The following C11orf58 variants were observed in gnomAD, a reference collection of about 807,000 sequenced individuals.
C11orf58 encodes the protein small acidic protein.
C11orf58 carries 5 observed loss-of-function variants against 22.7 expected under a neutral mutation model. The observed-to-expected ratio is 0.22, with a 90% confidence interval of 0.12 to 0.46. The LOEUF is 0.46. C11orf58 is among the 20% of genes least tolerant of loss of function. The pLI is 0.99. For missense variants in C11orf58, 151 were observed against 223.3 expected (o/e 0.68, Z 2.06); for synonymous variants, 71 against 70.7 (o/e 1.00, Z -0.02).
intron 1 of C11orf58, among the ~76,000 whole-genome samples, chr11:16,741,343 T>A (rs1848446983): frequency 6.6e-6 from 1 of 152,224 alleles, no homozygotes; most frequent in Admixed American, 6.5e-5. Context: ...GTAAATTGAT[T>A]GCAGTTCTGT....
rs988043265 is a variant in C11orf58, at chr11:16,738,685, C to T, written c.-94C>T. The T allele has an allele frequency of 9.3e-6, 13 of 1,400,098 alleles. No individual in the cohort carries two copies. The highest frequency in any genetic ancestry group is 2.4e-4 in the Middle Eastern group (1 of 4,224). The allele number at this position is 1,400,098 out of a possible 1,614,324, so 86.7% of individuals were successfully genotyped here. ...AGGGGCTCTGCGTTCTGTAGTGGCG[C>T]TGCTTGGGCCCTTGGCGGATTGTAA... is the stretch of plus-strand genomic sequence containing the variant. On this transcript the variant is annotated 5_prime_UTR_variant, in exon 1 of 5. Coordinates refer to ENST00000228136, the MANE Select transcript of C11orf58 (RefSeq NM_014267.6).
In C11orf58 at chr11:16,753,824, T is replaced by C. The variant is rs528033466; in HGVS notation, c.318+930T>C. 1.2e-4 allele frequency: 51 copies of C among 414,578 alleles called. 3 individuals are homozygous for C. The South Asian group carries it at 3.7e-3, about 30-fold the overall frequency. The allele number at this position is 414,578 out of a possible 1,614,324, so 25.7% of individuals were successfully genotyped here. On this transcript the variant is annotated intron_variant, in intron 4 of 4. Coordinates refer to ENST00000228136, the MANE Select transcript of C11orf58 (RefSeq NM_014267.6). ...CAGTCTCACTGCCACCTTAGCCTCC[T>C]GAGGACCTGGGATATAGGCCTGCAC... is the stretch of plus-strand genomic sequence containing the variant.
chr11:16,742,695 C>T (rs536759524), intron 1 of C11orf58, among the ~76,000 whole-genome samples: 3 of 152,100 alleles, frequency 2.0e-5, no homozygotes, highest in Non-Finnish European at 4.4e-5. Context: ...TTCTTTTAGT[C>T]TTTTACAAAT....
At chr11:16,752,915 A>G (rs1848545037) in intron 4 of C11orf58, 21 bp downstream of exon 4, 1 of 1,548,348 alleles carries the variant, frequency 6.5e-7, no homozygotes, top group East Asian at 2.3e-5. Context: ...ACTTATTTTC[A>G]TTGGGAAGAT....
intron 2 of C11orf58, among the ~76,000 whole-genome samples, chr11:16,745,586 G>C (rs1208855709): frequency 6.6e-6 from 1 of 152,202 alleles, no homozygotes; most frequent in Non-Finnish European, 1.5e-5. Context: ...TTTTCATGTT[G>C]AGTGGGCTGA....
chr11:16,743,623 G>GTGAATTCCC (rs1848464996), intron 1 of C11orf58, among the ~76,000 whole-genome samples: 1 of 152,128 alleles, frequency 6.6e-6, no homozygotes, highest in Admixed American at 6.5e-5. Flanking sequence ...ATGAAAAATT[G>GTGAATTCCC]TGAATTCCCA....
intron 1 of C11orf58, among the ~76,000 whole-genome samples, chr11:16,740,715 C>T (rs1848440420): frequency 6.6e-6 from 1 of 151,568 alleles, no homozygotes. Flanking sequence ...AGCCACCTCG[C>T]CCAGCCAGTA....
At chr11:16,751,658 T>G (rs892703964) in intron 3 of C11orf58, 1 of 152,200 alleles carries the variant, frequency 6.6e-6, no homozygotes, top group Admixed American at 6.5e-5. Context: ...TTTGACATGT[T>G]TCAAACATTA....
chr11:16,755,972 C>T lies in C11orf58; in HGVS notation c.*868C>T, dbSNP rs551199284. 1 of 152,680 alleles carries T rather than the reference C, an allele frequency of 6.5e-6. No homozygotes were observed. The highest frequency in any genetic ancestry group is 1.9e-4 in the East Asian group (1 of 5,188). The allele number at this position is 152,680 out of a possible 1,614,324, so 9.5% of individuals were successfully genotyped here. A position where few individuals can be genotyped will look rare whatever the true frequency, so the allele number is the denominator to read the frequency against. On this transcript the variant is annotated 3_prime_UTR_variant, in exon 5 of 5. Coordinates refer to ENST00000228136, the MANE Select transcript of C11orf58 (RefSeq NM_014267.6). Reference sequence around the variant, plus strand: ...ATAAGAAGCTGAAACAAGAAATTCTCTTCATTTTATCCCAGTGCTATTTTA... The same window carrying T: ...ATAAGAAGCTGAAACAAGAAATTCTTTTCATTTTATCCCAGTGCTATTTTA...
intron 2 of C11orf58, chr11:16,747,865 T>C (rs56227058): frequency 0.34 from 108,858 of 320,766 alleles, 21,449 homozygotes; most frequent in Non-Finnish European, 0.42. Context: ...TGTTTTGTTT[T>C]AATCACACTT....
intron 4 of C11orf58, 118 bp from the exon 5 acceptor site, chr11:16,754,753 T>C (rs1848561944): frequency 6.8e-7 from 1 of 1,479,272 alleles, no homozygotes; most frequent in Non-Finnish European, 9.1e-7. Context: ...GTCTTAAAGC[T>C]GTTGTTCTAA....
At chr11:16,745,617 G>A (rs1339565503) in intron 2 of C11orf58, among the ~76,000 whole-genome samples, 2 of 152,184 alleles carry the variant, frequency 1.3e-5, no homozygotes, top group African/African-American at 4.8e-5. Context: ...TTGTCTTACT[G>A]TCTGGGAGTG....
intron 2 of C11orf58, 97 bp downstream of exon 2, chr11:16,744,781 T>A: frequency 8.8e-7 from 1 of 1,130,138 alleles, no homozygotes; most frequent in Non-Finnish European, 1.3e-6. Context: ...TTGGATTCCA[T>A]TTTCCTGTTC....
intron 1 of C11orf58, among the ~76,000 whole-genome samples, chr11:16,742,049 T>G (rs1209104648): frequency 6.6e-6 from 1 of 152,214 alleles, no homozygotes; most frequent in Non-Finnish European, 1.5e-5. Context: ...GAGTGCTGCT[T>G]TAAGGTCTTT....
At chr11:16,753,864 A>T in intron 4 of C11orf58, 1 of 485,196 alleles carries the variant, frequency 2.1e-6, no homozygotes. Context: ...ATGCCTAGCT[A>T]ATTTTTGTAT....
intron 1 of C11orf58, among the ~76,000 whole-genome samples, chr11:16,742,936 AG>A (rs1453896026): frequency 1.3e-5 from 2 of 152,196 alleles, no homozygotes; most frequent in African/African-American, 4.8e-5. Flanking sequence ...ACCTGAGAAT[AG>A]GAAAAATCAG....
chr11:16,744,954 A>G (rs559192883), intron 2 of C11orf58, among the ~76,000 whole-genome samples: 2 of 152,204 alleles, frequency 1.3e-5, no homozygotes, highest in African/African-American at 4.8e-5. Context: ...AGAGATGTCA[A>G]AGTTTATGAT....
At chr11:16,754,022 C>T in intron 4 of C11orf58, 3 of 426,500 alleles carry the variant, frequency 7.0e-6, no homozygotes, top group Non-Finnish European at 8.4e-6. Flanking sequence ...GCGTGAACAA[C>T]AACATGCTCA....
intron 3 of C11orf58, chr11:16,751,292 G>A (rs986947137): frequency 3.9e-5 from 6 of 152,156 alleles, no homozygotes; most frequent in Admixed American, 6.5e-5. Flanking sequence ...CTCAAGGCCA[G>A]GAGTTTGAGA....
Sources: allele counts gnomAD v4.1 joint callset (sites outside exome capture counted in the v4.1 genomes callset), GRCh38; gene constraint gnomAD v4.1.1; transcripts MANE v1.5; gene names NCBI Gene and HGNC (gene_info 2026-07-23, HGNC 2026-07-21).